The following SH3GL2 variants were observed in gnomAD, a reference collection of about 807,000 sequenced individuals.
SH3GL2 encodes the protein SH3 domain containing GRB2 like 2, endophilin A1, also known as endophilin-A1.
SH3GL2 carries 24 observed loss-of-function variants against 46.0 expected under a neutral mutation model. The ratio of observed to expected loss-of-function variants is 0.52; its 90% confidence interval spans 0.38 to 0.73. SH3GL2 has a LOEUF of 0.73. Ranked by LOEUF, SH3GL2 falls within the 30% of genes least tolerant of loss-of-function variation. The pLI, the probability that SH3GL2 is intolerant of heterozygous loss-of-function variation, is 0.00. For missense variants in SH3GL2, 413 were observed against 424.2 expected, an observed-to-expected ratio of 0.97 and a Z score of 0.23; for synonymous variants, 196 against 147.1, an observed-to-expected ratio of 1.33 and a Z score of -2.40.
At chr9:17,731,059 G>C (rs936316887) in intron 1 of SH3GL2, among the ~76,000 whole-genome samples, 1 of 152,128 alleles carries the variant, frequency 6.6e-6, no homozygotes, top group Non-Finnish European at 1.5e-5. Flanking sequence ...TCACGATTCT[G>C]TGGTTCTGCA....
intron 1 of SH3GL2, among the ~76,000 whole-genome samples, chr9:17,597,904 C>T (rs374194724): frequency 1.7e-4 from 26 of 152,268 alleles, no homozygotes; most frequent in East Asian, 1.2e-3. Context: ...AGTAAGCATT[C>T]GCCCATTAAC....
At chr9:17,784,348 T>TA (rs1448311077) in intron 3 of SH3GL2, among the ~76,000 whole-genome samples, 1 of 152,186 alleles carries the variant, frequency 6.6e-6, no homozygotes, top group Non-Finnish European at 1.5e-5. Context: ...TATAAGCACT[T>TA]ACCACATCCA....
intron 1 of SH3GL2, among the ~76,000 whole-genome samples, chr9:17,718,848 C>T (rs1821824530): frequency 6.6e-6 from 1 of 152,086 alleles, no homozygotes; most frequent in South Asian, 2.1e-4. Flanking sequence ...CAGGTGGGTC[C>T]TGCTTTGAGG....
intron 1 of SH3GL2, among the ~76,000 whole-genome samples, chr9:17,583,171 GGA>G (rs1818308649): frequency 6.6e-6 from 1 of 152,118 alleles, no homozygotes; most frequent in Admixed American, 6.5e-5. Context: ...ACATCTAAGA[GGA>G]CAGTTCAGCC....
intron 1 of SH3GL2, among the ~76,000 whole-genome samples, chr9:17,672,922 A>C (rs1257594569): frequency 6.6e-6 from 1 of 152,074 alleles, no homozygotes; most frequent in Non-Finnish European, 1.5e-5. Context: ...AAAATGTCTA[A>C]AGTGAATTAA....
chr9:17,737,215 TA>T (rs1245225113), intron 1 of SH3GL2, among the ~76,000 whole-genome samples: 5 of 151,572 alleles, frequency 3.3e-5, no homozygotes, highest in Non-Finnish European at 7.4e-5. Flanking sequence ...GGTGGGGGGC[TA>T]GGGGAGGGAT....
intron 3 of SH3GL2, among the ~76,000 whole-genome samples, chr9:17,766,757 T>C (rs1250282581): frequency 2.0e-5 from 3 of 152,326 alleles, no homozygotes; most frequent in Admixed American, 6.5e-5. Flanking sequence ...TTTCAGGTGC[T>C]CAGCAGCCCG....
At position 17,685,561 on chromosome 9, in the gene SH3GL2, T is replaced by A. The variant is rs576658199; in HGVS notation, c.46-61505T>A. ...TTGTGGGAAGACCTAGGTTTTCTTC[T>A]AGGGTTTTTATGGTTTTAGGTCTAA... On this transcript the variant is annotated intron_variant, in intron 1 of 8. Transcript: ENST00000380607. 1.5e-4 allele frequency among the ~76,000 whole-genome samples: 23 copies of A among 152,206 alleles called. No individual in the cohort carries two copies. The South Asian group carries it at 2.3e-3, about 15-fold the overall frequency.
chr9:17,638,303 T>C (rs1283761324), intron 1 of SH3GL2, among the ~76,000 whole-genome samples: 3 of 152,208 alleles, frequency 2.0e-5, no homozygotes, highest in Non-Finnish European at 4.4e-5. Context: ...TTCATTTATG[T>C]ATCTATTATC....
At chr9:17,739,947 A>G (rs1822476057) in intron 1 of SH3GL2, among the ~76,000 whole-genome samples, 1 of 152,164 alleles carries the variant, frequency 6.6e-6, no homozygotes, top group African/African-American at 2.4e-5. Flanking sequence ...GTGTTTGGCA[A>G]GGAACAAAAT....
intron 1 of SH3GL2, among the ~76,000 whole-genome samples, chr9:17,672,386 C>T (rs1588223697): frequency 6.6e-6 from 1 of 152,060 alleles, no homozygotes; most frequent in Non-Finnish European, 1.5e-5. Flanking sequence ...TTATAGTCAG[C>T]TGAATTCCAA....
chr9:17,732,765 T>A (rs1318893847), intron 1 of SH3GL2, among the ~76,000 whole-genome samples: 2 of 152,132 alleles, frequency 1.3e-5, no homozygotes, highest in African/African-American at 4.8e-5. Flanking sequence ...TCTTGTTCAT[T>A]TCCAAGAAAA....
chr9:17,579,167 C>T lies in SH3GL2; in HGVS notation c.-76C>T. 3.6e-6 allele frequency: 4 copies of T among 1,122,174 alleles called. No homozygotes were observed. Among genetic ancestry groups the T allele is most frequent in the Non-Finnish European group, 4.9e-6 (4 of 809,768 alleles). 69.5% of individuals were successfully genotyped at this position (1,122,174 alleles called of 1,614,324 possible). ...GACCAGAGGCGGCCAGGGGAGCGCG[C>T]CGCCCCGCTCGGCCCTCCAGTCCCC... On this transcript the variant is annotated 5_prime_UTR_variant, in exon 1 of 9. Coordinates refer to ENST00000380607, the MANE Select transcript of SH3GL2 (RefSeq NM_003026.5).
intron 3 of SH3GL2, among the ~76,000 whole-genome samples, chr9:17,773,810 G>T (rs115933913): frequency 6.6e-6 from 1 of 151,940 alleles, no homozygotes; most frequent in African/African-American, 2.4e-5. Flanking sequence ...GAATTTTAGG[G>T]TGGGATTTCC....
intron 1 of SH3GL2, among the ~76,000 whole-genome samples, chr9:17,742,750 A>G (rs1588293063): frequency 6.6e-6 from 1 of 152,232 alleles, no homozygotes; most frequent in African/African-American, 2.4e-5. Flanking sequence ...TTAGAAGTAT[A>G]AAGTCTCAAT....
chr9:17,664,685 A>G lies in SH3GL2; in HGVS notation c.46-82381A>G, dbSNP rs148819836. Among the ~76,000 whole-genome samples, 188 of 151,532 alleles carry G rather than the reference A, an allele frequency of 1.2e-3. 6 individuals are homozygous for G. The East Asian group carries it at 0.027, about 22-fold the overall frequency. On this transcript the variant is annotated intron_variant, in intron 1 of 8. Coordinates refer to ENST00000380607, the MANE Select transcript of SH3GL2 (RefSeq NM_003026.5). ...ATTTCTATAATATATAGAAGTATAT[A>G]GAAATATTCTATAATATAGAAATAT...
chr9:17,718,539 A>T (rs1463164344), intron 1 of SH3GL2, among the ~76,000 whole-genome samples: 3 of 152,120 alleles, frequency 2.0e-5, no homozygotes, highest in African/African-American at 7.2e-5. Context: ...CCTGGGCAAC[A>T]TGGTGAAATC....
chr9:17,634,281 A>C (rs1387396959), intron 1 of SH3GL2, among the ~76,000 whole-genome samples: 1 of 152,224 alleles, frequency 6.6e-6, no homozygotes, highest in East Asian at 1.9e-4. Flanking sequence ...TTGGGTAGTT[A>C]CATATTTTCT....
chr9:17,758,675 A>C (rs9407837), intron 2 of SH3GL2, among the ~76,000 whole-genome samples: 17,158 of 151,786 alleles, frequency 0.11, 1,054 homozygotes, highest in Non-Finnish European at 0.12. Flanking sequence ...TAATGAAATA[A>C]AAATGTAACT....
Sources: gnomAD v4.1 joint callset for allele counts (sites outside exome capture counted in the v4.1 genomes callset) on GRCh38, gnomAD v4.1.1 for gene constraint, MANE v1.5 for transcripts, NCBI Gene and HGNC (gene_info 2026-07-23, HGNC 2026-07-21) for gene names.